JARID2: variants seen among roughly 807,000 people sequenced by gnomAD.
JARID2 encodes the protein jumonji and AT-rich interaction domain containing 2.
A neutral mutation model predicts 125.6 loss-of-function variants in JARID2; 21 were observed. That is an observed-to-expected ratio of 0.17 (90% CI 0.12 to 0.24). The LOEUF (loss-of-function observed/expected upper bound fraction) is 0.24, where lower values mean the gene tolerates loss of function less well. Among genes scored for constraint, JARID2 ranks in the 10% least tolerant of loss-of-function variants. The pLI is 1.00. For missense variants in JARID2, 1,303 were observed against 1,639.6 expected (o/e 0.79, Z 3.55); for synonymous variants, 736 against 661.6 (o/e 1.11, Z -1.73).
chr6:15,445,032 G>C (rs1414945932), intron 3 of JARID2, among the ~76,000 whole-genome samples: 1 of 152,016 alleles, frequency 6.6e-6, no homozygotes, highest in African/African-American at 2.4e-5. Context: ...ACAGAAATAG[G>C]ATTTAATTAA....
In JARID2 at chr6:15,501,298, G is replaced by C; in HGVS notation, c.2337G>C (p.Gln779His). The C allele has an allele frequency of 6.2e-7, 1 of 1,613,006 alleles. No homozygotes were observed. Among genetic ancestry groups the C allele is most frequent in the South Asian group, 1.1e-5 (1 of 91,050 alleles). The change falls in exon 8 of 18, where the codon CAG (glutamine) becomes CAC (histidine). Residue 779 changes from glutamine to histidine, a missense_variant. Physicochemically the swap from Gln to His is conservative, Grantham distance 24 (BLOSUM62 0). Coordinates refer to ENST00000341776, the MANE Select transcript of JARID2 (RefSeq NM_004973.4). ...GCAGCAAGCTCAAGGAGGTGGGCCA[G>C]GCCCAGTTGAAGACTGGCCGGCGGC... is the stretch of plus-strand genomic sequence containing the variant. ...GFRSKLKEVG[Q>H]AQLKTGRRRL...
chr6:15,480,928 A>G (rs1258788204), intron 5 of JARID2, among the ~76,000 whole-genome samples: 1 of 152,232 alleles, frequency 6.6e-6, no homozygotes. Context: ...CAGCATCTAA[A>G]TATGCGAACA....
intron 1 of JARID2, among the ~76,000 whole-genome samples, chr6:15,358,593 G>C (rs1054727838): frequency 6.6e-6 from 1 of 152,180 alleles, no homozygotes; most frequent in African/African-American, 2.4e-5. Context: ...TTATGTTTCA[G>C]TGAATGAAAA....
At chr6:15,280,527 A>C (rs1760709927) in intron 1 of JARID2, among the ~76,000 whole-genome samples, 1 of 152,202 alleles carries the variant, frequency 6.6e-6, no homozygotes, top group African/African-American at 2.4e-5. Flanking sequence ...GTAATCTTAA[A>C]ATAGGGTGTT....
intron 12 of JARID2, among the ~76,000 whole-genome samples, chr6:15,509,820 T>C (rs1205608175): frequency 6.6e-6 from 1 of 152,150 alleles, no homozygotes; most frequent in Non-Finnish European, 1.5e-5. Flanking sequence ...ATACCCTGTG[T>C]GGGCTTTTTG....
intron 6 of JARID2, 127 bp from the exon 7 acceptor site, chr6:15,496,005 C>A: frequency 1.3e-6 from 1 of 751,230 alleles, no homozygotes; most frequent in Non-Finnish European, 2.2e-6. Flanking sequence ...CTCTTCTTAT[C>A]ACACTACAGG....
intron 1 of JARID2, among the ~76,000 whole-genome samples, chr6:15,300,722 T>A (rs4626427): frequency 0.019 from 2,083 of 110,950 alleles, 39 homozygotes; most frequent in African/African-American, 0.044. Context: ...TGTGTGTGTG[T>A]GAGAGAGAGA....
chr6:15,515,313 T>G lies in JARID2; in HGVS notation c.3451-1848T>G, dbSNP rs924514565. Among the ~76,000 whole-genome samples, 4 of 152,312 alleles carry G rather than the reference T, an allele frequency of 2.6e-5. No individual in the cohort carries two copies. The East Asian group carries it at 7.7e-4, about 29-fold the overall frequency. ...AGGCATGGGCCACTGCGCCCAGCTG[T>G]CCATCCTCTTGCTGGAACACGCTAT... On this transcript the variant is annotated intron_variant, in intron 16 of 17. Coordinates refer to ENST00000341776, the MANE Select transcript of JARID2 (RefSeq NM_004973.4).
intron 1 of JARID2, among the ~76,000 whole-genome samples, chr6:15,362,016 C>G (rs1186622150): frequency 6.6e-6 from 1 of 151,240 alleles, no homozygotes; most frequent in Non-Finnish European, 1.5e-5. Flanking sequence ...ATGTCTTAGC[C>G]TCCAGAGTAG....
chr6:15,310,523 C>T (rs1310836764), intron 1 of JARID2, among the ~76,000 whole-genome samples: 1 of 152,182 alleles, frequency 6.6e-6, no homozygotes, highest in Admixed American at 6.5e-5. Context: ...CTTAAGATGG[C>T]ACAAGCTAGG....
intron 8 of JARID2, among the ~76,000 whole-genome samples, chr6:15,503,756 C>T (rs535191473): frequency 3.5e-4 from 53 of 152,316 alleles, no homozygotes; most frequent in African/African-American, 1.3e-3. Flanking sequence ...AAAGAAATAG[C>T]AAGGGTCTTA....
chr6:15,303,463 C>G (rs1761704221), intron 1 of JARID2, among the ~76,000 whole-genome samples: 1 of 152,252 alleles, frequency 6.6e-6, no homozygotes, highest in Admixed American at 6.5e-5. Flanking sequence ...TCATGCAAAG[C>G]CACTTAACTC....
intron 2 of JARID2, chr6:15,400,697 AC>A: frequency 1.9e-6 from 1 of 533,512 alleles, no homozygotes; most frequent in South Asian, 8.1e-5. Flanking sequence ...CCAGCCGGAG[AC>A]CCCTCCTCTT....
intron 2 of JARID2, among the ~76,000 whole-genome samples, chr6:15,406,730 C>T (rs1263397886): frequency 6.6e-6 from 1 of 152,102 alleles, no homozygotes; most frequent in Non-Finnish European, 1.5e-5. Context: ...AGGTATTTTT[C>T]ATGTGTAAAA....
chr6:15,253,708 C>T (rs141500183), intron 1 of JARID2, among the ~76,000 whole-genome samples: 4 of 152,038 alleles, frequency 2.6e-5, no homozygotes, highest in East Asian at 1.9e-4. Context: ...TTCTTTTTTC[C>T]ATTTGAAGAA....
chr6:15,499,477 A>G lies in JARID2; in HGVS notation c.1946-1430A>G, dbSNP rs753445446. Among the ~76,000 whole-genome samples, 142 of 152,268 alleles carry G rather than the reference A, an allele frequency of 9.3e-4. 2 individuals are homozygous for G. Among genetic ancestry groups the G allele is most frequent in the Non-Finnish European group, 1.2e-3 (85 of 68,018 alleles). Reference sequence around the variant, plus strand: ...TAATCTACTTAGAGTGAAATATGAAAGTGTGGATTTCCTCCCTTCTGTGAC... The same window carrying G: ...TAATCTACTTAGAGTGAAATATGAAGGTGTGGATTTCCTCCCTTCTGTGAC... On this transcript the variant is annotated intron_variant, in intron 7 of 17. Coordinates refer to ENST00000341776, the MANE Select transcript of JARID2 (RefSeq NM_004973.4).
intron 1 of JARID2, among the ~76,000 whole-genome samples, chr6:15,363,330 G>A (rs1403864357): frequency 6.6e-6 from 1 of 152,140 alleles, no homozygotes; most frequent in Admixed American, 6.5e-5. Context: ...GAATCTCAGC[G>A]AAAGGAGGCT....
intron 8 of JARID2, among the ~76,000 whole-genome samples, chr6:15,501,657 C>T (rs917422283): frequency 3.9e-5 from 6 of 152,096 alleles, no homozygotes; most frequent in Non-Finnish European, 8.8e-5. Flanking sequence ...AGTCCAATAT[C>T]GAGGAACCTA....
intron 3 of JARID2, among the ~76,000 whole-genome samples, chr6:15,418,665 TTTAG>T (rs1368461772): frequency 3.9e-5 from 6 of 151,936 alleles, no homozygotes; most frequent in Non-Finnish European, 8.8e-5. Flanking sequence ...GCTGCTGTAT[TTTAG>T]TTAGGCTTTC....
Sources: gnomAD v4.1 joint callset for allele counts (sites outside exome capture counted in the v4.1 genomes callset) on GRCh38, gnomAD v4.1.1 for gene constraint, MANE v1.5 for transcripts, NCBI Gene and HGNC (gene_info 2026-07-23, HGNC 2026-07-21) for gene names.